The following RIMS1 variants were observed in gnomAD, a reference collection of about 807,000 sequenced individuals.
The protein encoded by RIMS1 is regulating synaptic membrane exocytosis 1.
In RIMS1, 83 loss-of-function variants were observed where a neutral mutation model predicts 214.1. The ratio of observed to expected loss-of-function variants is 0.39; its 90% CI spans 0.32 to 0.47. RIMS1 has a LOEUF of 0.47. Ranked by LOEUF, RIMS1 falls within the 20% of genes least tolerant of loss-of-function variation. The probability of loss-of-function intolerance (pLI) is 0.99; values close to 1 mark genes in which losing one functional copy is unlikely to be tolerated. For missense variants in RIMS1, 2,050 were observed against 2,161.8 expected (o/e 0.95, Z 1.03); for synonymous variants, 793 against 786.8 (o/e 1.01, Z -0.13).
At chr6:72,227,893 G>A (rs1039161460) in intron 6 of RIMS1, among the ~76,000 whole-genome samples, 1 of 151,862 alleles carries the variant, frequency 6.6e-6, no homozygotes, top group Non-Finnish European at 1.5e-5. Context: ...AAAGACACAG[G>A]GGATGTTCTT....
At chr6:71,932,651 G>T (rs1378144491) in intron 1 of RIMS1, among the ~76,000 whole-genome samples, 3 of 151,996 alleles carry the variant, frequency 2.0e-5, no homozygotes, top group African/African-American at 7.2e-5. Flanking sequence ...AATAAAAAGA[G>T]ATGGGGTTTT....
At chr6:71,975,505 G>A (rs1419707841) in intron 2 of RIMS1, among the ~76,000 whole-genome samples, 1 of 152,162 alleles carries the variant, frequency 6.6e-6, no homozygotes, top group East Asian at 1.9e-4. Context: ...TTGAATCATG[G>A]TACATGAATC....
intron 21 of RIMS1, 28 bp downstream of exon 21, chr6:72,265,531 C>T (rs771039617): frequency 1.4e-5 from 18 of 1,322,146 alleles, no homozygotes; most frequent in East Asian, 1.2e-4. Flanking sequence ...TGATATCTTC[C>T]GTTTCCCTTG....
chr6:72,333,630 G>A lies in RIMS1; in HGVS notation c.4161G>A (p.Arg1387=), dbSNP rs756435233. Residue 1387 remains arginine (R), a synonymous_variant, in exon 29 of 34, where the codon CGG becomes CGA. Transcript: ENST00000521978. Reference sequence around the variant, plus strand: ...TTACCCCCAAAATGCAAGGCAGACGGATGGGGACTTCAGGAAGATCCATCA... The same window carrying A: ...TTACCCCCAAAATGCAAGGCAGACGAATGGGGACTTCAGGAAGATCCATCA... ...SSFTPKMQGR[R]MGTSGRSIMK... 3 of 1,595,358 alleles carry A rather than the reference G, an allele frequency of 1.9e-6. No individual in the cohort carries two copies. In the Admixed American group the frequency reaches 5.2e-5, roughly 28 times the overall value.
chr6:72,139,290 T>G (rs1240119699), intron 4 of RIMS1, among the ~76,000 whole-genome samples: 1 of 152,196 alleles, frequency 6.6e-6, no homozygotes, highest in East Asian at 1.9e-4. Flanking sequence ...GTTACTTTGC[T>G]GTTCATGAGC....
chr6:71,889,578 G>C (rs1768960953), intron 1 of RIMS1, among the ~76,000 whole-genome samples: 1 of 152,156 alleles, frequency 6.6e-6, no homozygotes, highest in Non-Finnish European at 1.5e-5. Flanking sequence ...AGATTGGTGA[G>C]TGTTTTGGAA....
At position 72,265,365 on chromosome 6, in the gene RIMS1, T is replaced by C. The variant is rs774131153; in HGVS notation, c.3195-25T>C. 5 of 1,217,130 alleles carry C rather than the reference T, an allele frequency of 4.1e-6. No individual in the cohort carries two copies. In the South Asian group the frequency reaches 5.5e-5, roughly 13 times the overall value. The allele number at this position is 1,217,130 out of a possible 1,614,324, so 75.4% of individuals were successfully genotyped here. ...TTAATTATAATTTATTTTATTTTAT[T>C]TTTGTGTAATTTTAATTTGTGGAGC... On this transcript the variant is annotated intron_variant, in intron 20 of 33. Coordinates refer to ENST00000521978, the MANE Select transcript of RIMS1 (RefSeq NM_014989.7).
intron 2 of RIMS1, among the ~76,000 whole-genome samples, chr6:72,057,498 C>CTTTTTTTTTTTTT (rs56115719): frequency 3.2e-5 from 4 of 126,208 alleles, no homozygotes; most frequent in Non-Finnish European, 6.5e-5. Context: ...CCTTCTTTTT[C>CTTTTTTTTTTTTT]TTTTTTTTTT....
Position 72,258,229 on chromosome 6 carries a change from G to T in RIMS1, c.2875G>T (p.Gly959Cys). The T allele has an allele frequency of 6.2e-7, 1 of 1,613,324 alleles. No individual in the cohort carries two copies. Among genetic ancestry groups the T allele is most frequent in the East Asian group, 2.2e-5 (1 of 44,840 alleles). The change falls in exon 17 of 34, where the codon GGC (glycine) becomes TGC (cysteine). Residue 959 changes from glycine (G) to cysteine (C), a missense_variant. Around this residue, in one of 6 missense-constraint regions of RIMS1, gnomAD observed 889 missense variants for 885.5 expected, o/e 1.00. Transcript: ENST00000521978. ...CTCACGTTCAGTATCTCCTCATCGCGGCAATGATCAGGGAAAGCCGCGTTC... is the reference window on the plus strand; with the variant it reads ...CTCACGTTCAGTATCTCCTCATCGCTGCAATGATCAGGGAAAGCCGCGTTC... ...HRSRSVSPHRGNDQGKPRSRL... is the reference protein window; with the variant it reads ...HRSRSVSPHRCNDQGKPRSRL...
chr6:72,368,235 T>C (rs902435845), intron 29 of RIMS1, among the ~76,000 whole-genome samples: 1 of 151,516 alleles, frequency 6.6e-6, no homozygotes, highest in Non-Finnish European at 1.5e-5. Flanking sequence ...GTTTCTTTTT[T>C]CCCCCTTATG....
intron 29 of RIMS1, among the ~76,000 whole-genome samples, chr6:72,371,441 A>G (rs1018068896): frequency 6.6e-6 from 1 of 152,236 alleles, no homozygotes; most frequent in African/African-American, 2.4e-5. Context: ...GTAGAGCACT[A>G]CTTTAAAGTG....
chr6:72,208,072 A>G (rs1290677141), intron 6 of RIMS1, among the ~76,000 whole-genome samples: 3 of 152,142 alleles, frequency 2.0e-5, no homozygotes, highest in Non-Finnish European at 4.4e-5. Context: ...CTCTTTTTTA[A>G]CCTTGCATCT....
chr6:72,013,233 G>T (rs916438337), intron 2 of RIMS1, among the ~76,000 whole-genome samples: 3 of 152,094 alleles, frequency 2.0e-5, no homozygotes, highest in African/African-American at 7.2e-5. Flanking sequence ...TCTGGAGACA[G>T]CTAACAAATC....
chr6:72,287,419 A>G (rs1372007663), intron 24 of RIMS1, among the ~76,000 whole-genome samples: 1 of 152,226 alleles, frequency 6.6e-6, no homozygotes, highest in East Asian at 1.9e-4. Context: ...GTCTGACTAA[A>G]GACGCAAATT....
intron 2 of RIMS1, among the ~76,000 whole-genome samples, chr6:72,090,805 A>G (rs915126803): frequency 6.6e-6 from 1 of 152,338 alleles, no homozygotes; most frequent in Admixed American, 6.5e-5. Context: ...CAAAATGTGT[A>G]TAAACAAGCC....
At chr6:71,918,176 G>A (rs866403973) in intron 1 of RIMS1, among the ~76,000 whole-genome samples, 2 of 152,122 alleles carry the variant, frequency 1.3e-5, no homozygotes, top group Admixed American at 6.6e-5. Context: ...ATGAAGAAGA[G>A]AGGAGAGGTG....
At chr6:71,971,531 G>A (rs1047157530) in intron 2 of RIMS1, among the ~76,000 whole-genome samples, 4 of 152,162 alleles carry the variant, frequency 2.6e-5, no homozygotes, top group Non-Finnish European at 4.4e-5. Context: ...TTGAATTAAA[G>A]CTGTAAACCA....
Position 71,894,216 on chromosome 6 carries a change from G to A in RIMS1, c.164+7029G>A, listed in dbSNP as rs557143975. ...TCCCAACACTTTGGGAGGCCAAAGC[G>A]GGTGGATCACTTGAGCTCAGGAGTT... is the stretch of plus-strand genomic sequence containing the variant. On this transcript the variant is annotated intron_variant, in intron 1 of 33. Coordinates refer to ENST00000521978, the MANE Select transcript of RIMS1 (RefSeq NM_014989.7). 1.8e-4 allele frequency among the ~76,000 whole-genome samples: 28 copies of A among 152,306 alleles called. No homozygotes were observed. In the South Asian group the frequency reaches 4.4e-3, roughly 24 times the overall value.
intron 28 of RIMS1, among the ~76,000 whole-genome samples, chr6:72,320,367 G>A (rs761382510): frequency 2.5e-4 from 38 of 152,130 alleles, no homozygotes; most frequent in Admixed American, 7.2e-4. Flanking sequence ...TAGTACAACA[G>A]AAGTCTGTGA....
Sources: gnomAD v4.1 joint callset for allele counts (sites outside exome capture counted in the v4.1 genomes callset) on GRCh38, gnomAD v4.1.1 for gene constraint, gnomAD v4.1.1 regional missense constraint, MANE v1.5 for transcripts, NCBI Gene and HGNC (gene_info 2026-07-23, HGNC 2026-07-21) for gene names.